MYOM1: variants seen among roughly 807,000 people sequenced by gnomAD.
The protein encoded by MYOM1 is myomesin-1.
In MYOM1, 164 loss-of-function variants were observed where a neutral mutation model predicts 205.3. The observed-to-expected ratio is 0.80, with a 90% CI of 0.70 to 0.91. MYOM1 has a LOEUF of 0.91. Ranked by LOEUF, MYOM1 falls within the 40% of genes least tolerant of loss-of-function variation. The pLI, the probability that MYOM1 is intolerant of heterozygous loss-of-function variation, is 0.00. For synonymous variants in MYOM1, 772 were observed against 789.4 expected (o/e 0.98, Z 0.37); for missense variants, 2,011 against 2,127.3 (o/e 0.95, Z 1.08).
chr18:3,075,756 C>T lies in MYOM1; in HGVS notation c.4654G>A (p.Asp1552Asn), dbSNP rs759276149. ...KTVDLSGQAY[D>N]EAYAEFQRLK... ...CTCTGGAATTCAGCATAGGCCTCAT[C>T]GTATGCTTTAAAAGAAAAAAGAAAA... Residue 1552 changes from aspartate to asparagine, a missense_variant, in exon 35 of 38, where the codon GAT becomes AAT. By Grantham distance (23) the Asp-to-Asn change is conservative. Coordinates refer to ENST00000356443, the MANE Select transcript of MYOM1 (RefSeq NM_003803.4). 11 of 1,590,096 alleles carry T rather than the reference C, an allele frequency of 6.9e-6. No homozygotes were observed. Among genetic ancestry groups the T allele is most frequent in the African/African-American group, 2.7e-5 (2 of 74,326 alleles).
intron 6 of MYOM1, among the ~76,000 whole-genome samples, chr18:3,175,797 GT>G (rs944001125): frequency 6.6e-6 from 1 of 152,136 alleles, no homozygotes; most frequent in African/African-American, 2.4e-5. Context: ...ATGCAAATTG[GT>G]TTTTTTCTCA....
rs202218195 is a variant in MYOM1 at position 3,083,938 on chromosome 18, C to T, written c.4379-44G>A. ...ATATTTCATACATCTGCATGCCCCT[C>T]CTGGCAGGAGGATCATAAAGCATTG... On this transcript the variant is annotated intron_variant, in intron 32 of 37. Coordinates refer to ENST00000356443, the MANE Select transcript of MYOM1 (RefSeq NM_003803.4). The T allele has an allele frequency of 1.9e-6, 3 of 1,579,046 alleles. No homozygotes were observed. The African/African-American group carries it at 4.0e-5, about 21-fold the overall frequency.
At chr18:3,107,199 CCT>C (rs2079463019) in intron 22 of MYOM1, among the ~76,000 whole-genome samples, 1 of 152,096 alleles carries the variant, frequency 6.6e-6, no homozygotes, top group South Asian at 2.1e-4. Context: ...CTCACTGCAA[CCT>C]CTGTCTCCTG....
Position 3,143,315 on chromosome 18 carries a change from A to AT in MYOM1, c.1901-1253dup, listed in dbSNP as rs565854120. Among the ~76,000 whole-genome samples, 20 of 152,090 alleles carry AT rather than the reference A, an allele frequency of 1.3e-4. No homozygotes were observed. In the East Asian group the frequency reaches 2.3e-3, roughly 18 times the overall value. On this transcript the variant is annotated intron_variant, in intron 13 of 37. Coordinates refer to ENST00000356443, the MANE Select transcript of MYOM1 (RefSeq NM_003803.4). ...TTCAAGAATGAAGGTAAAATAGAGG[A>AT]TTTTTTTTACATAACAAAAGATAAA...
intron 22 of MYOM1, among the ~76,000 whole-genome samples, chr18:3,105,875 C>T (rs1237346895): frequency 6.6e-6 from 1 of 151,920 alleles, no homozygotes; most frequent in Non-Finnish European, 1.5e-5. Flanking sequence ...AAGAAAATCC[C>T]GTTTAGTTTT....
intron 2 of MYOM1, among the ~76,000 whole-genome samples, chr18:3,200,826 TA>T (rs1486113938): frequency 1.3e-5 from 2 of 151,960 alleles, no homozygotes; most frequent in Non-Finnish European, 2.9e-5. Context: ...TTTGAAGAAA[TA>T]ATAGACTAAA....
the MYOM1 span, among the ~76,000 whole-genome samples, chr18:3,226,439 C>A: frequency 6.6e-6 from 1 of 152,160 alleles, no homozygotes; most frequent in Non-Finnish European, 1.5e-5. This position sits in a 1 kb window ranked among gnomAD's most constrained non-coding sequence, Gnocchi z 4.6. Context: ...CCGCCCCTCT[C>A]CATTCCCCTG....
In MYOM1 at chr18:3,096,092, G is replaced by A. The variant is rs576771859; in HGVS notation, c.3728-1786C>T. Among the ~76,000 whole-genome samples, 3 of 152,222 alleles carry A rather than the reference G, an allele frequency of 2.0e-5. No homozygotes were observed. The East Asian group carries it at 5.8e-4, about 29-fold the overall frequency. On this transcript the variant is annotated intron_variant, in intron 25 of 37. Coordinates refer to ENST00000356443, the MANE Select transcript of MYOM1 (RefSeq NM_003803.4). ...CCCTGAGTCCTGAGAACATCGTCTG[G>A]GGAATGCTGGCCGCCTTGAATGTCC...
intron 3 of MYOM1, among the ~76,000 whole-genome samples, chr18:3,191,810 C>G (rs1567960317): frequency 6.6e-6 from 1 of 151,958 alleles, no homozygotes; most frequent in African/African-American, 2.4e-5. Flanking sequence ...ATTTTCCTGC[C>G]TCAGCCTCCC....
At chr18:3,195,460 C>A (rs549721106) in intron 2 of MYOM1, among the ~76,000 whole-genome samples, 1 of 152,236 alleles carries the variant, frequency 6.6e-6, no homozygotes, top group Non-Finnish European at 1.5e-5. Flanking sequence ...AAAGTACAGG[C>A]TGTGCTTATA....
chr18:3,136,955 CT>C (rs1218905520), intron 14 of MYOM1, among the ~76,000 whole-genome samples: 180 of 143,448 alleles, frequency 1.3e-3, no homozygotes, highest in Non-Finnish European at 1.4e-3. Flanking sequence ...TTTCTTTTTT[CT>C]TTTTTTTTTT....
At chr18:3,213,179 G>GT (rs2081212183) in intron 2 of MYOM1, among the ~76,000 whole-genome samples, 1 of 152,232 alleles carries the variant, frequency 6.6e-6, no homozygotes, top group African/African-American at 2.4e-5. Flanking sequence ...CTCACTTCTA[G>GT]TTAAACCGAC....
rs1428786126 is a variant in MYOM1, at chr18:3,094,322, A to AT, written c.3728-17dup. On this transcript the variant is annotated splice_polypyrimidine_tract_variant and intron_variant, in intron 25 of 37. Coordinates refer to ENST00000356443, the MANE Select transcript of MYOM1 (RefSeq NM_003803.4). ...ACTGGGACAGCTATGAAAAGTAAAA[A>AT]TAAACACAGTAATTATATTGGTAAC... 6.2e-7 allele frequency: 1 copy of AT among 1,601,778 alleles called. No homozygotes were observed.
chr18:3,181,793 G>A (rs1280184264), intron 5 of MYOM1, among the ~76,000 whole-genome samples: 1 of 143,136 alleles, frequency 7.0e-6, no homozygotes, highest in Non-Finnish European at 1.5e-5. Context: ...GTAGCGCAGT[G>A]GTGCGATCTC....
At chr18:3,150,979 C>CTTTTTTTTTTTT (rs1164882266) in intron 12 of MYOM1, among the ~76,000 whole-genome samples, 1 of 55,920 alleles carries the variant, frequency 1.8e-5, no homozygotes, top group African/African-American at 7.2e-5. Context: ...CCATGCCTGG[C>CTTTTTTTTTTTT]TTTTTTTTTT....
intron 19 of MYOM1, among the ~76,000 whole-genome samples, chr18:3,120,969 G>GA (rs2079681364): frequency 6.6e-6 from 1 of 152,056 alleles, no homozygotes; most frequent in Non-Finnish European, 1.5e-5. Context: ...GACAAGAGAT[G>GA]GAAAATACAG....
At chr18:3,140,772 A>G (rs1262552092) in intron 14 of MYOM1, among the ~76,000 whole-genome samples, 1 of 152,228 alleles carries the variant, frequency 6.6e-6, no homozygotes, top group Non-Finnish European at 1.5e-5. Flanking sequence ...AAAGACCTTT[A>G]GGAAAATTAA....
At chr18:3,106,731 G>A (rs2079456647) in intron 22 of MYOM1, among the ~76,000 whole-genome samples, 1 of 152,168 alleles carries the variant, frequency 6.6e-6, no homozygotes. Context: ...GCTGAGGTAG[G>A]AGGATCACTT....
chr18:3,170,506 A>G (rs1051370676), intron 8 of MYOM1, among the ~76,000 whole-genome samples: 2 of 152,238 alleles, frequency 1.3e-5, no homozygotes, highest in Non-Finnish European at 2.9e-5. Context: ...GATAAATATT[A>G]TAAGAAATGT....
Sources: gnomAD v4.1 joint callset for allele counts (sites outside exome capture counted in the v4.1 genomes callset) on GRCh38, gnomAD v4.1.1 for gene constraint, Gnocchi (gnomAD v3.1) non-coding constraint, MANE v1.5 for transcripts, NCBI Gene and HGNC (gene_info 2026-07-23, HGNC 2026-07-21) for gene names.